UQCRC2: variants seen among roughly 807,000 people sequenced by gnomAD.
UQCRC2 encodes the protein ubiquinol-cytochrome c reductase core protein 2, also known as cytochrome b-c1 complex subunit 2, mitochondrial.
A neutral mutation model predicts 55.6 loss-of-function variants in UQCRC2; 49 were observed. The observed-to-expected ratio is 0.88, with a 90% confidence interval of 0.70 to 1.12. UQCRC2 has a LOEUF of 1.12. UQCRC2 is among the 50% of genes most tolerant of loss of function. UQCRC2 has a pLI of 0.00. For synonymous variants in UQCRC2, 193 were observed against 192.0 expected (o/e 1.01, Z -0.04); for missense variants, 506 against 547.8 (o/e 0.92, Z 0.76).
chr16:21,968,547 C>T (rs753495328), intron 7 of UQCRC2, 81 bp from the exon 8 acceptor site: 1 of 1,311,712 alleles, frequency 7.6e-7, no homozygotes, highest in Non-Finnish European at 1.0e-6. Flanking sequence ...TATTTATTTT[C>T]TTCCAAACTG....
intron 3 of UQCRC2, among the ~76,000 whole-genome samples, chr16:21,957,784 A>C (rs1898114404): frequency 6.6e-6 from 1 of 152,216 alleles, no homozygotes; most frequent in African/African-American, 2.4e-5. Flanking sequence ...AGATATCAGC[A>C]GGGCTGTGAT....
intron 11 of UQCRC2, 42 bp from the exon 12 acceptor site, chr16:21,976,125 T>C (rs1245090590): frequency 4.2e-6 from 6 of 1,429,900 alleles, no homozygotes; most frequent in Middle Eastern, 1.7e-4. Context: ...CAGGAGACTC[T>C]GGTACTGACC....
At chr16:21,976,465 G>C (rs1050978694) in intron 12 of UQCRC2, 1 of 426,684 alleles carries the variant, frequency 2.3e-6, no homozygotes, top group Non-Finnish European at 4.2e-6. Context: ...GCCAAGGCAG[G>C]TGGTTCATTT....
intron 11 of UQCRC2, among the ~76,000 whole-genome samples, chr16:21,974,425 A>G (rs1314446708): frequency 3.3e-5 from 5 of 151,022 alleles, no homozygotes; most frequent in African/African-American, 1.2e-4. Context: ...GTAAACAGAA[A>G]GAAAAAGAGA....
chr16:21,969,720 G>C (rs933735100), intron 8 of UQCRC2, among the ~76,000 whole-genome samples: 1 of 152,058 alleles, frequency 6.6e-6, no homozygotes, highest in African/African-American at 2.4e-5. Flanking sequence ...CTTTTGAAGT[G>C]AATAGTTCTG....
chr16:21,967,241 C>T (rs1347091124), intron 7 of UQCRC2, among the ~76,000 whole-genome samples: 1 of 152,020 alleles, frequency 6.6e-6, no homozygotes, highest in African/African-American at 2.4e-5. Context: ...GTACAGACAC[C>T]ATTCATTTTA....
chr16:21,975,543 T>C (rs1337640341), intron 11 of UQCRC2, among the ~76,000 whole-genome samples: 1 of 152,198 alleles, frequency 6.6e-6, no homozygotes, highest in Non-Finnish European at 1.5e-5. Context: ...GATTTATTTA[T>C]TTATTCAACA....
intron 13 of UQCRC2, 126 bp downstream of exon 13, chr16:21,980,826 G>A (rs1210317389): frequency 2.6e-5 from 29 of 1,129,300 alleles, no homozygotes; most frequent in Admixed American, 5.5e-5. Flanking sequence ...TCTACTTAAT[G>A]TGGAGGCAGG....
chr16:21,964,542 T>G (rs1385163758), intron 6 of UQCRC2, among the ~76,000 whole-genome samples: 3 of 152,226 alleles, frequency 2.0e-5, no homozygotes, highest in Non-Finnish European at 4.4e-5. Context: ...CAATTCCCAT[T>G]TGAATCAAAT....
chr16:21,960,135 G>C (rs1166225197), intron 4 of UQCRC2, among the ~76,000 whole-genome samples: 1 of 152,192 alleles, frequency 6.6e-6, no homozygotes, highest in South Asian at 2.1e-4. Flanking sequence ...CTCTAGCTAC[G>C]AATGTCCTGG....
intron 6 of UQCRC2, among the ~76,000 whole-genome samples, chr16:21,964,308 G>A (rs1898273821): frequency 6.6e-6 from 1 of 152,144 alleles, no homozygotes; most frequent in Non-Finnish European, 1.5e-5. Flanking sequence ...CATCTATTCT[G>A]CCTGAACAGT....
At chr16:21,977,231 G>A (rs1898607225) in intron 12 of UQCRC2, among the ~76,000 whole-genome samples, 1 of 152,072 alleles carries the variant, frequency 6.6e-6, no homozygotes, top group Non-Finnish European at 1.5e-5. Flanking sequence ...GTGTGTGCCT[G>A]TAGCCTCAGC....
chr16:21,970,063 C>T (rs989913337), intron 8 of UQCRC2, among the ~76,000 whole-genome samples: 3 of 151,998 alleles, frequency 2.0e-5, no homozygotes, highest in Admixed American at 1.3e-4. Flanking sequence ...TGGAGTCATA[C>T]GATATGTGGC....
chr16:21,960,824 C>T (rs1196840914), intron 4 of UQCRC2, among the ~76,000 whole-genome samples: 2 of 151,214 alleles, frequency 1.3e-5, no homozygotes, highest in African/African-American at 4.9e-5. Flanking sequence ...AACAGCATTT[C>T]TTTTTTTTTA....
At chr16:21,963,083 G>C in intron 6 of UQCRC2, 198 bp downstream of exon 6, 1 of 501,808 alleles carries the variant, frequency 2.0e-6, no homozygotes, top group Non-Finnish European at 3.2e-6. Flanking sequence ...CCAGCTCCCG[G>C]GTTCAAGCAA....
chr16:21,957,643 A>G (rs1052134563), intron 3 of UQCRC2, 77 bp downstream of exon 3: 16 of 1,540,720 alleles, frequency 1.0e-5, no homozygotes, highest in African/African-American at 8.3e-5. Flanking sequence ...ACTAAGATCA[A>G]TGTCTTTATA....
chr16:21,969,973 A>T (rs1176271570), intron 8 of UQCRC2, among the ~76,000 whole-genome samples: 1 of 151,822 alleles, frequency 6.6e-6, no homozygotes, highest in Non-Finnish European at 1.5e-5. Context: ...GGCTCAGGTG[A>T]TCCTCCCACC....
At position 21,983,218 on chromosome 16, in the gene UQCRC2, A is replaced by G; in HGVS notation, c.*47A>G. The G allele has an allele frequency of 1.3e-6, 2 of 1,551,574 alleles. No individual in the cohort carries two copies. Among genetic ancestry groups the G allele is most frequent in the Non-Finnish European group, 8.8e-7 (1 of 1,132,602 alleles). On this transcript the variant is annotated 3_prime_UTR_variant, in exon 14 of 14. Transcript: ENST00000268379. ...AGAGAGCTGAACGTTCTCTCAGCCCAGAGCAGCAAACACATGAAAGTCAGA... is the reference window on the plus strand; with the variant it reads ...AGAGAGCTGAACGTTCTCTCAGCCCGGAGCAGCAAACACATGAAAGTCAGA...
intron 4 of UQCRC2, chr16:21,961,256 C>A: frequency 2.5e-6 from 1 of 397,972 alleles, no homozygotes; most frequent in Admixed American, 2.9e-5. Context: ...TTGAAAAACC[C>A]CACAGTTTTT....
Sources: gnomAD v4.1 joint callset for allele counts (sites outside exome capture counted in the v4.1 genomes callset) on GRCh38, gnomAD v4.1.1 for gene constraint, MANE v1.5 for transcripts, NCBI Gene and HGNC (gene_info 2026-07-23, HGNC 2026-07-21) for gene names.